MAF: variants seen among roughly 807,000 people sequenced by gnomAD.
The protein encoded by MAF is transcription factor Maf.
Under a neutral mutation model 22.0 loss-of-function variants are expected in MAF, and 10 were observed. That is an observed-to-expected ratio of 0.45 (90% CI 0.28 to 0.77). The LOEUF (loss-of-function observed/expected upper bound fraction) is 0.77, where lower values mean the gene tolerates loss of function less well. Ranked by LOEUF, MAF falls within the 30% of genes least tolerant of loss-of-function variation. MAF has a pLI of 0.12. For synonymous variants in MAF, 337 were observed against 255.8 expected (o/e 1.32, Z -3.03); for missense variants, 544 against 548.4 (o/e 0.99, Z 0.08).
chr16:79,416,412 TC>T, the MAF span, among the ~76,000 whole-genome samples: 1 of 151,492 alleles, frequency 6.6e-6, no homozygotes, highest in African/African-American at 2.4e-5. Flanking sequence ...TACAAACTCT[TC>T]GAAATATAGG....
chr16:79,367,721 A>T, the MAF span, among the ~76,000 whole-genome samples: 1 of 152,190 alleles, frequency 6.6e-6, no homozygotes, highest in Non-Finnish European at 1.5e-5. Flanking sequence ...AGTTAATTTA[A>T]ATTTCACGTA....
chr16:79,331,595 A>T, the MAF span, among the ~76,000 whole-genome samples: 1 of 152,184 alleles, frequency 6.6e-6, no homozygotes, highest in East Asian at 1.9e-4. Context: ...GACCATAGTC[A>T]TACCTTCTAC....
the MAF span, among the ~76,000 whole-genome samples, chr16:79,460,800 C>A: frequency 1.3e-5 from 2 of 152,110 alleles, no homozygotes; most frequent in East Asian, 1.9e-4. Context: ...TTCTTGCTAA[C>A]CTTATCCAAA....
At chr16:79,326,282 T>C in the MAF span, among the ~76,000 whole-genome samples, 1 of 152,210 alleles carries the variant, frequency 6.6e-6, no homozygotes, top group Non-Finnish European at 1.5e-5. Context: ...TGCACTAAAA[T>C]GTATAAAAGT....
the MAF span, among the ~76,000 whole-genome samples, chr16:79,364,958 G>C: frequency 6.6e-6 from 1 of 152,156 alleles, no homozygotes; most frequent in Admixed American, 6.5e-5. Flanking sequence ...AGTGGTTCAG[G>C]GCACCACTGA....
the MAF span, chr16:79,206,801 C>T: frequency 2.0e-5 from 3 of 152,020 alleles, no homozygotes. Context: ...GGTGTGGTCA[C>T]CTAGCCAGGG....
At chr16:79,240,974 A>T in the MAF span, among the ~76,000 whole-genome samples, 3 of 152,176 alleles carry the variant, frequency 2.0e-5, no homozygotes, top group East Asian at 5.8e-4. Flanking sequence ...AAAAACTAAC[A>T]AACAGAAAGG....
chr16:79,586,509 A>T (rs929526909), intron 1 of MAF, among the ~76,000 whole-genome samples: 3 of 152,216 alleles, frequency 2.0e-5, no homozygotes, highest in African/African-American at 7.2e-5. Context: ...CTGCCTCTTT[A>T]TTTGTTAACT....
the MAF span, among the ~76,000 whole-genome samples, chr16:79,579,124 A>G: frequency 6.6e-6 from 1 of 152,210 alleles, no homozygotes; most frequent in South Asian, 2.1e-4. Flanking sequence ...CAAGCTAAGG[A>G]GCCCTATAGC....
the MAF span, among the ~76,000 whole-genome samples, chr16:79,235,994 C>T: frequency 2.6e-5 from 4 of 152,050 alleles, no homozygotes; most frequent in African/African-American, 7.2e-5. Flanking sequence ...ACCAGCAATC[C>T]TATTCCACAG....
the MAF span, among the ~76,000 whole-genome samples, chr16:79,502,712 T>TAAATATAAATATATATAC: frequency 3.2e-5 from 1 of 31,118 alleles, no homozygotes. Flanking sequence ...AATATAAATA[T>TAAATATAAATATATATAC]ATATATATAT....
At chr16:79,223,185 C>T in the MAF span, among the ~76,000 whole-genome samples, 1 of 152,164 alleles carries the variant, frequency 6.6e-6, no homozygotes, top group Admixed American at 6.5e-5. Flanking sequence ...ACAGTGCAAT[C>T]ATATTAGAAC....
the MAF span, among the ~76,000 whole-genome samples, chr16:79,398,784 C>T: frequency 2.0e-4 from 30 of 152,276 alleles, 1 homozygote; most frequent in African/African-American, 7.0e-4. Flanking sequence ...TTCTCTTACT[C>T]ATTTTTTGCA....
chr16:79,243,078 T>G, the MAF span, among the ~76,000 whole-genome samples: 2 of 151,852 alleles, frequency 1.3e-5, no homozygotes, highest in Admixed American at 1.3e-4. Flanking sequence ...TATAACCAGC[T>G]AGTCCACAAG....
chr16:79,440,795 C>T, the MAF span, among the ~76,000 whole-genome samples: 2 of 152,192 alleles, frequency 1.3e-5, no homozygotes, highest in East Asian at 3.9e-4. Context: ...TAAATTAAAG[C>T]AGATCTGATA....
the MAF span, among the ~76,000 whole-genome samples, chr16:79,251,241 A>C: frequency 1.3e-5 from 2 of 152,104 alleles, no homozygotes. Context: ...ATTTGATGAC[A>C]TCAAGGACTC....
At chr16:79,507,875 T>C in the MAF span, among the ~76,000 whole-genome samples, 17 of 152,282 alleles carry the variant, frequency 1.1e-4, 1 homozygote, top group South Asian at 4.1e-4. Context: ...GCATCCATTA[T>C]AAAAATATAT....
the MAF span, among the ~76,000 whole-genome samples, chr16:79,357,287 AC>A: frequency 0.044 from 6,624 of 149,446 alleles, 325 homozygotes; most frequent in African/African-American, 0.12. Context: ...AACAACAACA[AC>A]AACAACAACA....
chr16:79,370,705 A>G, the MAF span, among the ~76,000 whole-genome samples: 8 of 152,190 alleles, frequency 5.3e-5, no homozygotes, highest in African/African-American at 1.9e-4. Flanking sequence ...TTTCCAAAGC[A>G]TATATCAGAT....
Sources: gnomAD v4.1 joint callset for allele counts (sites outside exome capture counted in the v4.1 genomes callset) on GRCh38, gnomAD v4.1.1 for gene constraint, MANE v1.5 for transcripts, NCBI Gene and HGNC (gene_info 2026-07-23, HGNC 2026-07-21) for gene names.